DCDC2C: variants seen among roughly 807,000 people sequenced by gnomAD.
The protein encoded by DCDC2C is doublecortin domain-containing protein 2C.
A neutral mutation model predicts 45.0 loss-of-function variants in DCDC2C; 44 were observed. The ratio of observed to expected loss-of-function variants is 0.98; its 90% CI spans 0.77 to 1.26. DCDC2C has a LOEUF of 1.26. DCDC2C is among the 50% of genes most tolerant of loss of function. The pLI, the probability that DCDC2C is intolerant of heterozygous loss-of-function variation, is 0.00. For missense variants in DCDC2C, 447 were observed against 468.9 expected (o/e 0.95, Z 0.43); for synonymous variants, 187 against 178.8 (o/e 1.05, Z -0.37).
chr2:3,784,576 A>G (rs1384470887), intron 9 of DCDC2C, among the ~76,000 whole-genome samples: 1 of 151,940 alleles, frequency 6.6e-6, no homozygotes, highest in Non-Finnish European at 1.5e-5. Flanking sequence ...TATAACAAAT[A>G]TTAATATATT....
rs1289911783 is a variant in DCDC2C, at chr2:3,734,881, A to G, written c.417-7039A>G. ...GTACAGAGCCCTTCAGGTTCATGAAAGTGTCTTTAGATAGGGGGTTCCTTA... is the reference window on the plus strand; with the variant it reads ...GTACAGAGCCCTTCAGGTTCATGAAGGTGTCTTTAGATAGGGGGTTCCTTA... On this transcript the variant is annotated intron_variant, in intron 3 of 10. Coordinates refer to ENST00000399143, the MANE Select transcript of DCDC2C (RefSeq NM_001287444.2). This position sits in a 1 kb window ranked among gnomAD's most constrained non-coding sequence, Gnocchi z 4.2. 6.6e-6 allele frequency among the ~76,000 whole-genome samples: 1 copy of G among 152,150 alleles called. No individual in the cohort carries two copies. Among genetic ancestry groups the G allele is most frequent in the Non-Finnish European group, 1.5e-5 (1 of 68,028 alleles).
At chr2:3,720,962 T>C (rs1297519233) in intron 2 of DCDC2C, among the ~76,000 whole-genome samples, 1 of 152,206 alleles carries the variant, frequency 6.6e-6, no homozygotes, top group African/African-American at 2.4e-5. Context: ...CTTCAGGTTA[T>C]TTCTTCTTGA....
At chr2:3,711,911 G>T (rs932909652) in intron 2 of DCDC2C, among the ~76,000 whole-genome samples, 2 of 152,236 alleles carry the variant, frequency 1.3e-5, no homozygotes, top group African/African-American at 4.8e-5. Flanking sequence ...GGGTCGTGGG[G>T]ATGGAGCAGT....
intron 3 of DCDC2C, among the ~76,000 whole-genome samples, chr2:3,729,073 C>T (rs908874001): frequency 7.2e-5 from 11 of 152,266 alleles, no homozygotes; most frequent in South Asian, 4.1e-4. Flanking sequence ...ACTCATTCCA[C>T]TTATACTGGC....
chr2:3,726,981 G>A, intron 2 of DCDC2C, 22 bp from the exon 3 acceptor site: 1 of 1,548,424 alleles, frequency 6.5e-7, no homozygotes, highest in Non-Finnish European at 8.7e-7. Context: ...TGAATTCCCA[G>A]GTGTGTTTTT....
intron 10 of DCDC2C, among the ~76,000 whole-genome samples, chr2:3,817,395 T>C (rs1187014960): frequency 6.6e-6 from 1 of 152,200 alleles, no homozygotes; most frequent in African/African-American, 2.4e-5. Flanking sequence ...AGTATAAATA[T>C]TGACTCACAG....
intron 8 of DCDC2C, among the ~76,000 whole-genome samples, chr2:3,771,292 A>G (rs1236488436): frequency 6.6e-6 from 1 of 152,210 alleles, no homozygotes; most frequent in Non-Finnish European, 1.5e-5. Flanking sequence ...CCTGACATGC[A>G]GCAGGTGTTT....
chr2:3,841,438 A>G (rs1305868477), intron 10 of DCDC2C, among the ~76,000 whole-genome samples: 1 of 139,172 alleles, frequency 7.2e-6, no homozygotes. Flanking sequence ...ATATTCATAT[A>G]CATACATTTT....
chr2:3,792,788 T>G (rs1354488309), intron 10 of DCDC2C, among the ~76,000 whole-genome samples: 1 of 152,194 alleles, frequency 6.6e-6, no homozygotes, highest in East Asian at 1.9e-4. Flanking sequence ...AAATGTGTCT[T>G]CTCCGATGAG....
At chr2:3,709,907 C>T (rs1367741679) in intron 2 of DCDC2C, among the ~76,000 whole-genome samples, 1 of 152,218 alleles carries the variant, frequency 6.6e-6, no homozygotes, top group East Asian at 1.9e-4. Flanking sequence ...AAGCCTTGGT[C>T]TACAGACGTG....
Position 3,703,586 on chromosome 2 carries a change from G to A in DCDC2C, c.-166G>A, listed in dbSNP as rs1667930052. ...TCCGCCCGCCTGGCAGCCCCGTCCC[G>A]TCCCCGTCCAGCCCCCGTCCCGTCC... On this transcript the variant is annotated 5_prime_UTR_variant, in exon 1 of 11. Coordinates refer to ENST00000399143, the MANE Select transcript of DCDC2C (RefSeq NM_001287444.2). This position sits in a 1 kb window ranked among gnomAD's most constrained non-coding sequence, Gnocchi z 4.4. 3.1e-6 allele frequency: 2 copies of A among 650,414 alleles called. No homozygotes were observed. The highest frequency in any genetic ancestry group is 7.5e-5 in the South Asian group (1 of 13,336). 40.3% of individuals were successfully genotyped at this position (650,414 alleles called of 1,614,324 possible). A position where few individuals can be genotyped will look rare whatever the true frequency, so the allele number is the denominator to read the frequency against.
chr2:3,753,560 C>G (rs937991826), intron 5 of DCDC2C, among the ~76,000 whole-genome samples: 8 of 152,262 alleles, frequency 5.3e-5, no homozygotes, highest in South Asian at 2.1e-4. Context: ...AGTTCTTTGT[C>G]AAGTTTTCAA....
intron 10 of DCDC2C, among the ~76,000 whole-genome samples, chr2:3,843,699 T>C (rs1672266960): frequency 6.6e-6 from 1 of 152,232 alleles, no homozygotes; most frequent in South Asian, 2.1e-4. Flanking sequence ...CTGATTTCTT[T>C]CTTTTTCATT....
At chr2:3,770,815 G>A (rs967975944) in intron 8 of DCDC2C, among the ~76,000 whole-genome samples, 1 of 152,194 alleles carries the variant, frequency 6.6e-6, no homozygotes, top group African/African-American at 2.4e-5. Context: ...TTGGTTGCCG[G>A]TGATTCTGAT....
At chr2:3,845,711 AAG>A (rs1672310867) in intron 10 of DCDC2C, among the ~76,000 whole-genome samples, 1 of 152,200 alleles carries the variant, frequency 6.6e-6, no homozygotes, top group Non-Finnish European at 1.5e-5. Context: ...GTGCAGGAAA[AAG>A]AACTTTGAAA....
intron 10 of DCDC2C, among the ~76,000 whole-genome samples, chr2:3,828,792 C>T (rs2148231959): frequency 6.6e-6 from 1 of 152,302 alleles, no homozygotes; most frequent in East Asian, 1.9e-4. Flanking sequence ...GTTTCCGAAA[C>T]ATTGCAGTGC....
intron 7 of DCDC2C, among the ~76,000 whole-genome samples, chr2:3,768,654 A>C (rs1398694623): frequency 1.3e-5 from 2 of 152,010 alleles, no homozygotes; most frequent in Admixed American, 1.3e-4. Flanking sequence ...GCTCACTGCA[A>C]CCTCTGCCTC....
intron 6 of DCDC2C, among the ~76,000 whole-genome samples, chr2:3,756,323 C>T (rs1327946154): frequency 6.6e-6 from 1 of 152,140 alleles, no homozygotes; most frequent in African/African-American, 2.4e-5. Flanking sequence ...AACACGTACT[C>T]TTTCCAGTGC....
intron 10 of DCDC2C, among the ~76,000 whole-genome samples, chr2:3,811,867 T>A (rs563484915): frequency 6.6e-6 from 1 of 152,358 alleles, no homozygotes; most frequent in Admixed American, 6.5e-5. Context: ...GTTCTGTTTA[T>A]GCGATGGATT....
Sources: gnomAD v4.1 joint callset for allele counts (sites outside exome capture counted in the v4.1 genomes callset) on GRCh38, gnomAD v4.1.1 for gene constraint, Gnocchi (gnomAD v3.1) non-coding constraint, MANE v1.5 for transcripts, NCBI Gene and HGNC (gene_info 2026-07-23, HGNC 2026-07-21) for gene names.